Variants in FAT4 observed in about 807,000 individuals in gnomAD.
The protein encoded by FAT4 is protocadherin Fat 4.
In FAT4, 84 loss-of-function variants were observed where a neutral mutation model predicts 303.9. The observed-to-expected ratio is 0.28, with a 90% CI of 0.23 to 0.33. FAT4 has a LOEUF of 0.33. FAT4 is among the 10% of genes least tolerant of loss of function. The pLI is 1.00. For synonymous variants in FAT4, 2,307 were observed against 2,298.8 expected, an observed-to-expected ratio of 1.00 and a Z score of -0.10; for missense variants, 6,005 against 6,146.8, an observed-to-expected ratio of 0.98 and a Z score of 0.77.
chr4:125,461,820 A>G (rs2126069978), intron 10 of FAT4, among the ~76,000 whole-genome samples: 1 of 152,062 alleles, frequency 6.6e-6, no homozygotes, highest in South Asian at 2.1e-4. Flanking sequence ...AGAAAAAAAA[A>G]TCTACATCAC....
At chr4:125,394,810 T>C (rs1310469581) in intron 2 of FAT4, among the ~76,000 whole-genome samples, 1 of 152,198 alleles carries the variant, frequency 6.6e-6, no homozygotes, top group Non-Finnish European at 1.5e-5. Flanking sequence ...GGAAGCAATT[T>C]AAAGACAAAT....
intron 2 of FAT4, among the ~76,000 whole-genome samples, chr4:125,376,254 G>T (rs1027447746): frequency 6.6e-6 from 1 of 152,162 alleles, no homozygotes; most frequent in African/African-American, 2.4e-5. Context: ...ACTTGGTGAT[G>T]CAAGATTTTA....
At chr4:125,337,881 G>A (rs1230659917) in intron 2 of FAT4, among the ~76,000 whole-genome samples, 1 of 152,090 alleles carries the variant, frequency 6.6e-6, no homozygotes, top group East Asian at 1.9e-4. Flanking sequence ...TGGGGAAGCT[G>A]TCTTCCCCAA....
Position 125,415,644 on chromosome 4 carries a change from A to G in FAT4, c.6681A>G (p.Leu2227=). The change falls in exon 6 of 18, where the codon TTA becomes TTG. Residue 2227 remains leucine, a synonymous_variant. Transcript: ENST00000394329. ...LDREKTPTYH[L]TVQATDRGST... ...GAGAAAAGACCCCTACCTACCATTT[A>G]ACTGTTCAGGCAACAGATCGAGGCA... The G allele has an allele frequency of 6.2e-7, 1 of 1,614,054 alleles. No homozygotes were observed. The highest frequency in any genetic ancestry group is 8.5e-7 in the Non-Finnish European group (1 of 1,179,968).
intron 11 of FAT4, among the ~76,000 whole-genome samples, chr4:125,467,403 CT>C (rs1453988808): frequency 1.3e-5 from 2 of 152,118 alleles, no homozygotes; most frequent in East Asian, 3.9e-4. Context: ...AGAAATGAAA[CT>C]TTTGCAAGTT....
In FAT4 at chr4:125,452,598, T is replaced by C; in HGVS notation, c.11588T>C (p.Ile3863Thr). 1 of 1,614,124 alleles carries C rather than the reference T, an allele frequency of 6.2e-7. No individual in the cohort carries two copies. Among genetic ancestry groups the C allele is most frequent in the Non-Finnish European group, 8.5e-7 (1 of 1,180,028 alleles). ...GGATATGCGGGTAGCTGGTGTGAAA[T>C]AGATATAGATGAATGTCTTCCATCA... ...LPGYAGSWCE[I>T]DIDECLPSPC... The change falls in exon 10 of 18, where the codon ATA becomes ACA. Residue 3863 changes from isoleucine to threonine, a missense_variant. Transcript: ENST00000394329.
rs1247018671 is a variant in FAT4 at position 125,490,042 on chromosome 4, A to G, written c.13226A>G (p.Asn4409Ser). The G allele has an allele frequency of 1.2e-6, 2 of 1,613,340 alleles. No homozygotes were observed. Among genetic ancestry groups the G allele is most frequent in the Non-Finnish European group, 1.7e-6 (2 of 1,179,874 alleles). ...CGTGGCCCGAACATTTGTGCCAGCA[A>G]CCCCTGCTGGGGTGATTTGCTGTGC... ...GCRGPNICAS[N>S]PCWGDLLCIN... Residue 4409 changes from asparagine (N) to serine (S), a missense_variant, in exon 18 of 18, where the codon AAC (asparagine) becomes AGC (serine). By Grantham distance (46) the Asn-to-Ser change is conservative (BLOSUM62 1). Coordinates refer to ENST00000394329, the MANE Select transcript of FAT4 (RefSeq NM_001291303.3).
intron 7 of FAT4, among the ~76,000 whole-genome samples, chr4:125,417,363 A>G (rs2126029685): frequency 6.6e-6 from 1 of 152,276 alleles, no homozygotes; most frequent in African/African-American, 2.4e-5. Context: ...TCAGTGAAGC[A>G]TTGGTCTAAA....
rs1204411121 is a variant in FAT4 at position 125,332,576 on chromosome 4, C to T, written c.5175+10990C>T. 2.6e-5 allele frequency among the ~76,000 whole-genome samples: 4 copies of T among 151,962 alleles called. No homozygotes were observed. In the East Asian group the frequency reaches 5.8e-4, roughly 22 times the overall value. Reference sequence around the variant, plus strand: ...TGTTTTGTTTCATTCAGAGAGAAGCCTTATCTCTGATTTAGATGAGGGATA... The same window carrying T: ...TGTTTTGTTTCATTCAGAGAGAAGCTTTATCTCTGATTTAGATGAGGGATA... On this transcript the variant is annotated intron_variant, in intron 2 of 17. Coordinates refer to ENST00000394329, the MANE Select transcript of FAT4 (RefSeq NM_001291303.3).
At chr4:125,336,997 A>G (rs1731602499) in intron 2 of FAT4, among the ~76,000 whole-genome samples, 1 of 151,970 alleles carries the variant, frequency 6.6e-6, no homozygotes, top group African/African-American at 2.4e-5. Context: ...ATGGAGTATC[A>G]AGGATCATGA....
intron 7 of FAT4, among the ~76,000 whole-genome samples, chr4:125,431,760 T>G (rs1292316131): frequency 6.6e-6 from 1 of 152,156 alleles, no homozygotes; most frequent in Non-Finnish European, 1.5e-5. Context: ...TTTGCCTCTC[T>G]GGAACCTTGA....
chr4:125,386,616 C>A (rs1733760687), intron 2 of FAT4, among the ~76,000 whole-genome samples: 1 of 152,092 alleles, frequency 6.6e-6, no homozygotes, highest in Admixed American at 6.6e-5. Context: ...AAGAACAATG[C>A]ATTTCCAAAA....
At chr4:125,411,883 A>G (rs1029928238) in intron 5 of FAT4, among the ~76,000 whole-genome samples, 2 of 151,238 alleles carry the variant, frequency 1.3e-5, no homozygotes, top group African/African-American at 2.4e-5. Context: ...TGACGAAACC[A>G]TAAAACCATA....
intron 15 of FAT4, among the ~76,000 whole-genome samples, chr4:125,480,335 T>G (rs1727183242): frequency 1.3e-5 from 2 of 152,182 alleles, no homozygotes; most frequent in South Asian, 4.1e-4. Context: ...TTCATTTTAA[T>G]GTACAAGTAG....
chr4:125,415,869 C>A, intron 6 of FAT4, 63 bp downstream of exon 6: 1 of 1,264,000 alleles, frequency 7.9e-7, no homozygotes. Flanking sequence ...GAAAACCTCC[C>A]CTCTTCTACA....
chr4:125,427,529 T>G (rs1325642344), intron 7 of FAT4, among the ~76,000 whole-genome samples: 1 of 150,222 alleles, frequency 6.7e-6, no homozygotes, highest in East Asian at 2.0e-4. Flanking sequence ...TACAGAAGTG[T>G]TGTTAATATT....
intron 7 of FAT4, among the ~76,000 whole-genome samples, chr4:125,430,293 G>T (rs1382459344): frequency 6.6e-6 from 1 of 152,050 alleles, no homozygotes; most frequent in Non-Finnish European, 1.5e-5. Context: ...TCACTCATCT[G>T]GCACAAATGC....
intron 14 of FAT4, among the ~76,000 whole-genome samples, chr4:125,478,924 C>T (rs1727127027): frequency 6.6e-6 from 1 of 152,046 alleles, no homozygotes; most frequent in Non-Finnish European, 1.5e-5. Context: ...AAGCCAAAAT[C>T]CTGACCCTGA....
At chr4:125,359,030 T>G (rs1732546084) in intron 2 of FAT4, among the ~76,000 whole-genome samples, 1 of 152,182 alleles carries the variant, frequency 6.6e-6, no homozygotes, top group Non-Finnish European at 1.5e-5. Flanking sequence ...CCATTATTGA[T>G]TTGTCCATAT....
Sources: gnomAD v4.1 joint callset for allele counts (sites outside exome capture counted in the v4.1 genomes callset) on GRCh38, gnomAD v4.1.1 for gene constraint, MANE v1.5 for transcripts, NCBI Gene and HGNC (gene_info 2026-07-23, HGNC 2026-07-21) for gene names.